Variants in GPAT4 observed in about 807,000 individuals in gnomAD.
GPAT4 encodes the protein 1-AGP acyltransferase 6.
Under a neutral mutation model 58.0 loss-of-function variants are expected in GPAT4, and 17 were observed. The ratio of observed to expected loss-of-function variants is 0.29; its 90% CI spans 0.20 to 0.44. GPAT4 has a LOEUF of 0.44. Ranked by LOEUF, GPAT4 falls within the 20% of genes least tolerant of loss-of-function variation. The pLI, the probability that GPAT4 is intolerant of heterozygous loss-of-function variation, is 1.00. For synonymous variants in GPAT4, 204 were observed against 210.1 expected, an observed-to-expected ratio of 0.97 and a Z score of 0.25; for missense variants, 377 against 574.5, an observed-to-expected ratio of 0.66 and a Z score of 3.51.
At chr8:41,605,473 A>C (rs1803232427) in intron 2 of GPAT4, among the ~76,000 whole-genome samples, 1 of 152,254 alleles carries the variant, frequency 6.6e-6, no homozygotes, top group African/African-American at 2.4e-5. Context: ...TAGAGCAAAA[A>C]CACGGCGCAT....
At position 41,598,529 on chromosome 8, in the gene GPAT4, G is replaced by A. The variant is rs144571872; in HGVS notation, c.-611G>A. On this transcript the variant is annotated 5_prime_UTR_variant, in exon 2 of 13. Coordinates refer to ENST00000396987, the MANE Select transcript of GPAT4 (RefSeq NM_178819.4). ...CCAGGAGCCTTGCCAGAGGAGGATG[G>A]GGCCAGATATGAACTCTCTACCATG... 31 of 152,280 alleles carry A rather than the reference G, an allele frequency of 2.0e-4. No homozygotes were observed. Among genetic ancestry groups the A allele is most frequent in the African/African-American group, 7.0e-4 (29 of 41,538 alleles). 9.4% of individuals were successfully genotyped at this position (152,280 alleles called of 1,614,324 possible).
At chr8:41,610,714 C>G (rs1324153374) in intron 4 of GPAT4, 22 bp from the exon 5 acceptor site, 1 of 1,598,664 alleles carries the variant, frequency 6.3e-7, no homozygotes, top group South Asian at 1.1e-5. Flanking sequence ...TGGCTGTGCT[C>G]TAACTTTTCT....
At position 41,602,815 on chromosome 8, in the gene GPAT4, C is replaced by A. The variant is rs544025669; in HGVS notation, c.165+3511C>A. Among the ~76,000 whole-genome samples, 3 of 152,280 alleles carry A rather than the reference C, an allele frequency of 2.0e-5. No individual in the cohort carries two copies. In the South Asian group the frequency reaches 6.2e-4, roughly 32 times the overall value. On this transcript the variant is annotated intron_variant, in intron 2 of 12. Transcript: ENST00000396987. ...TTTCTGGAGGCTGGGAAAACCATGT[C>A]CAGGCACCAGCAGATTCAGTGTCTG...
intron 10 of GPAT4, among the ~76,000 whole-genome samples, 182 bp downstream of exon 10, chr8:41,615,230 C>T (rs1379919384): frequency 1.3e-5 from 2 of 152,164 alleles, no homozygotes; most frequent in Admixed American, 1.3e-4. Context: ...GTGCTCAGCA[C>T]CCCTTAGAAG....
At chr8:41,597,822 A>T (rs1433120677) in intron 1 of GPAT4, among the ~76,000 whole-genome samples, 1 of 151,646 alleles carries the variant, frequency 6.6e-6, no homozygotes, top group Non-Finnish European at 1.5e-5. Flanking sequence ...GAAGAATAAT[A>T]CGTCCTTGTT....
At chr8:41,583,622 A>G (rs1802581011) in intron 1 of GPAT4, among the ~76,000 whole-genome samples, 2 of 152,166 alleles carry the variant, frequency 1.3e-5, no homozygotes, top group Non-Finnish European at 2.9e-5. Context: ...TCCAGTGTGC[A>G]TTTTACATTC....
At chr8:41,610,282 G>T in intron 4 of GPAT4, 1 of 1,240,304 alleles carries the variant, frequency 8.1e-7, no homozygotes, top group South Asian at 1.9e-5. Flanking sequence ...TGCCTCTCAG[G>T]TACAGGGGCA....
chr8:41,581,710 G>A (rs2150477950), intron 1 of GPAT4, among the ~76,000 whole-genome samples: 1 of 144,788 alleles, frequency 6.9e-6, no homozygotes, highest in South Asian at 2.2e-4. Context: ...CTCACTGCAA[G>A]CTCCGCCTCC....
Position 41,623,591 on chromosome 8 carries a change from A to G in GPAT4, c.*2590A>G, listed in dbSNP as rs1184235711. ...CTGAATTCTCTGTTTTTAAGCCCAT[A>G]GTTCAAACTTTGGCTTTGATCTCTG... On this transcript the variant is annotated 3_prime_UTR_variant, in exon 13 of 13. Transcript: ENST00000396987. 6.6e-6 allele frequency: 1 copy of G among 152,252 alleles called. No homozygotes were observed. The highest frequency in any genetic ancestry group is 2.4e-5 in the African/African-American group (1 of 41,464). The allele number at this position is 152,252 out of a possible 1,614,324, so 9.4% of individuals were successfully genotyped here. A position where few individuals can be genotyped will look rare whatever the true frequency, so the allele number is the denominator to read the frequency against.
rs1343323122 is a variant in GPAT4, at chr8:41,614,416, G to A, written c.942G>A (p.Lys314=). The A allele has an allele frequency of 6.2e-7, 1 of 1,614,082 alleles. No individual in the cohort carries two copies. The highest frequency in any genetic ancestry group is 1.7e-5 in the Admixed American group (1 of 60,018). The part of the protein sequence containing the change: ...RLTEHVQDKS[K]LPILIFPEGT... ...CTGAACATGTGCAAGATAAAAGCAA[G>A]CTGCCTATCCTCATCTTCCCAGAAG... The change falls in exon 9 of 13, where the codon AAG becomes AAA. Residue 314 remains lysine (K), a synonymous_variant. Transcript: ENST00000396987.
At chr8:41,591,302 C>G (rs1802783517) in intron 1 of GPAT4, among the ~76,000 whole-genome samples, 1 of 152,142 alleles carries the variant, frequency 6.6e-6, no homozygotes, top group Admixed American at 6.5e-5. Flanking sequence ...TGCTGGGCTG[C>G]CTGTGGATTC....
intron 2 of GPAT4, among the ~76,000 whole-genome samples, chr8:41,608,667 A>G (rs929671581): frequency 1.3e-5 from 2 of 152,232 alleles, no homozygotes; most frequent in African/African-American, 2.4e-5. Flanking sequence ...TGTCCCATAC[A>G]TGATTTCATT....
At position 41,599,123 on chromosome 8, in the gene GPAT4, G is replaced by A. The variant is rs1803013264; in HGVS notation, c.-17G>A. ...TTCTTAGGGAGGCAGGTGCTGGCCTGGCCTGGATCTTCCACCATGTTCCTG... is the reference window on the plus strand; with the variant it reads ...TTCTTAGGGAGGCAGGTGCTGGCCTAGCCTGGATCTTCCACCATGTTCCTG... On this transcript the variant is annotated 5_prime_UTR_variant, in exon 2 of 13. Coordinates refer to ENST00000396987, the MANE Select transcript of GPAT4 (RefSeq NM_178819.4). The A allele has an allele frequency of 6.2e-7, 1 of 1,607,926 alleles. No individual in the cohort carries two copies. The highest frequency in any genetic ancestry group is 8.5e-7 in the Non-Finnish European group (1 of 1,177,984).
chr8:41,603,467 A>G (rs887525512), intron 2 of GPAT4, among the ~76,000 whole-genome samples: 3 of 149,184 alleles, frequency 2.0e-5, no homozygotes, highest in African/African-American at 7.4e-5. Context: ...TGGAGGTTGC[A>G]GTGTACGGAG....
At chr8:41,595,571 A>G (rs1465219664) in intron 1 of GPAT4, among the ~76,000 whole-genome samples, 1 of 152,188 alleles carries the variant, frequency 6.6e-6, no homozygotes, top group Non-Finnish European at 1.5e-5. Flanking sequence ...ACTTACAACA[A>G]GGTGGTATTG....
At chr8:41,606,075 G>A (rs1157184282) in intron 2 of GPAT4, among the ~76,000 whole-genome samples, 1 of 152,166 alleles carries the variant, frequency 6.6e-6, no homozygotes, top group Non-Finnish European at 1.5e-5. Flanking sequence ...CTTCCATCTG[G>A]TGCTTCCTGA....
intron 1 of GPAT4, among the ~76,000 whole-genome samples, chr8:41,587,276 C>T (rs565752576): frequency 6.6e-6 from 1 of 152,316 alleles, no homozygotes; most frequent in East Asian, 1.9e-4. Context: ...AGAAAGCATG[C>T]TCCAGCCATT....
chr8:41,604,975 G>A (rs1803218220), intron 2 of GPAT4, among the ~76,000 whole-genome samples: 1 of 152,220 alleles, frequency 6.6e-6, no homozygotes. Context: ...CCCCGATGAG[G>A]AGTGTGATTT....
intron 10 of GPAT4, among the ~76,000 whole-genome samples, chr8:41,616,357 CA>C (rs1803594366): frequency 2.0e-5 from 3 of 152,210 alleles, no homozygotes; most frequent in Non-Finnish European, 4.4e-5. Context: ...AGTGCAGTGG[CA>C]CAATCATGAC....
Sources: gnomAD v4.1 joint callset for allele counts (sites outside exome capture counted in the v4.1 genomes callset) on GRCh38, gnomAD v4.1.1 for gene constraint, MANE v1.5 for transcripts, NCBI Gene and HGNC (gene_info 2026-07-23, HGNC 2026-07-21) for gene names.